ZNF322: variants seen among roughly 807,000 people sequenced by gnomAD.
The protein encoded by ZNF322 is HLA complex group 12.
Under a neutral mutation model 18.3 loss-of-function variants are expected in ZNF322, and 1 was observed. The ratio of observed to expected loss-of-function variants is 0.05; its 90% confidence interval spans 0.02 to 0.26. The LOEUF is 0.26. Among genes scored for constraint, ZNF322 ranks in the 10% least tolerant of loss-of-function variants. The pLI is 1.00. For synonymous variants in ZNF322, 17 were observed against 130.7 expected, an observed-to-expected ratio of 0.13 and a Z score of 5.93; for missense variants, 36 against 403.6, an observed-to-expected ratio of 0.09 and a Z score of 7.80.
intron 3 of ZNF322, among the ~76,000 whole-genome samples, chr6:26,642,494 C>A (rs1385268724): frequency 6.6e-6 from 1 of 152,170 alleles, no homozygotes; most frequent in Non-Finnish European, 1.5e-5. Flanking sequence ...AGGGGTAGGC[C>A]CCCTTCAGAA....
intron 2 of ZNF322, among the ~76,000 whole-genome samples, chr6:26,656,865 T>G (rs1200990833): frequency 2.0e-5 from 3 of 151,936 alleles, no homozygotes; most frequent in South Asian, 4.1e-4. Flanking sequence ...AAAAAAAAAC[T>G]GAATAAATAA....
At chr6:26,643,320 C>T (rs1765497481) in intron 3 of ZNF322, among the ~76,000 whole-genome samples, 1 of 152,178 alleles carries the variant, frequency 6.6e-6, no homozygotes, top group Non-Finnish European at 1.5e-5. Flanking sequence ...GTCTTCATGC[C>T]CCAGCATTCA....
intron 2 of ZNF322, among the ~76,000 whole-genome samples, chr6:26,649,987 G>A (rs1046642034): frequency 2.6e-5 from 4 of 151,630 alleles, no homozygotes; most frequent in East Asian, 1.9e-4. Flanking sequence ...ACAGGCGTGC[G>A]CCACTGTGCC....
At chr6:26,651,787 T>G (rs149756999) in intron 2 of ZNF322, among the ~76,000 whole-genome samples, 468 of 152,258 alleles carry the variant, frequency 3.1e-3, no homozygotes, top group African/African-American at 0.011. Flanking sequence ...ACTATAAAAC[T>G]TCTAGAGGAT....
chr6:26,650,155 GA>G (rs1453611108), intron 2 of ZNF322, among the ~76,000 whole-genome samples: 3 of 152,008 alleles, frequency 2.0e-5, no homozygotes, highest in Non-Finnish European at 4.4e-5. Context: ...ACATCTGATA[GA>G]AAAATAAGCA....
intron 1 of ZNF322, among the ~76,000 whole-genome samples, 180 bp downstream of exon 1, chr6:26,659,261 A>C (rs1336662432): frequency 6.6e-6 from 1 of 152,226 alleles, no homozygotes; most frequent in Non-Finnish European, 1.5e-5. Context: ...GAACTACCGT[A>C]CTAAGGTTCT....
At chr6:26,639,779 A>G (rs1281281967) in intron 3 of ZNF322, among the ~76,000 whole-genome samples, 2 of 152,292 alleles carry the variant, frequency 1.3e-5, no homozygotes, top group South Asian at 2.1e-4. Flanking sequence ...GTATAACCTG[A>G]TAATTTTGCT....
chr6:26,652,970 A>T (rs1554149347), intron 2 of ZNF322, among the ~76,000 whole-genome samples: 7 of 152,164 alleles, frequency 4.6e-5, no homozygotes. Context: ...TCTCTAAAAA[A>T]TAAAGTCTAT....
intron 3 of ZNF322, among the ~76,000 whole-genome samples, chr6:26,639,833 A>C (rs1389853753): frequency 2.0e-5 from 3 of 152,124 alleles, no homozygotes; most frequent in Admixed American, 2.0e-4. Flanking sequence ...CAAAACAACA[A>C]CACATACACA....
intron 2 of ZNF322, among the ~76,000 whole-genome samples, chr6:26,645,440 G>A (rs192356126): frequency 2.0e-4 from 31 of 151,774 alleles, no homozygotes; most frequent in Admixed American, 1.2e-3. Flanking sequence ...CCCACTCTAA[G>A]TACAAAAAAC....
At position 26,634,535 on chromosome 6, in the gene ZNF322, G is replaced by A. The variant is rs1284593126; in HGVS notation, c.*2810C>T. 3.7e-5 allele frequency: 5 copies of A among 135,290 alleles called. No individual in the cohort carries two copies. The highest frequency in any genetic ancestry group is 7.8e-5 in the Non-Finnish European group (5 of 63,824). 8.4% of individuals were successfully genotyped at this position (135,290 alleles called of 1,614,324 possible). A position where few individuals can be genotyped will look rare whatever the true frequency, so the allele number is the denominator to read the frequency against. The stretch of plus-strand genomic sequence containing the variant: ...ACTTACCTGAGGTAGATTTAGGTTG[G>A]CACTGCTTCAAGGGAACCTCCGTCC... On this transcript the variant is annotated 3_prime_UTR_variant, in exon 4 of 4. Coordinates refer to ENST00000415922, the MANE Select transcript of ZNF322 (RefSeq NM_024639.5).
chr6:26,651,854 A>T (rs1284677962), intron 2 of ZNF322, among the ~76,000 whole-genome samples: 1 of 152,142 alleles, frequency 6.6e-6, no homozygotes, highest in Non-Finnish European at 1.5e-5. Flanking sequence ...TATTTTTGGG[A>T]TGGGTCTCGC....
intron 1 of ZNF322, among the ~76,000 whole-genome samples, chr6:26,659,065 C>T (rs1765833876): frequency 2.0e-5 from 3 of 152,094 alleles, no homozygotes; most frequent in African/African-American, 7.2e-5. Flanking sequence ...ATTCCATTTT[C>T]CAAAAAGAAA....
chr6:26,637,303 CATAA>C lies in ZNF322; in HGVS notation c.*38_*41del. 1.4e-6 allele frequency: 2 copies of C among 1,455,174 alleles called. No individual in the cohort carries two copies. Among genetic ancestry groups the C allele is most frequent in the Non-Finnish European group, 1.9e-6 (2 of 1,051,350 alleles). The allele number at this position is 1,455,174 out of a possible 1,614,324, so 90.1% of individuals were successfully genotyped here. A position where few individuals can be genotyped will look rare whatever the true frequency, so the allele number is the denominator to read the frequency against. On this transcript the variant is annotated 3_prime_UTR_variant, in exon 4 of 4. Transcript: ENST00000415922. The stretch of plus-strand genomic sequence containing the variant: ...CCTCATCTTAATGAGTTCTCTGATA[CATAA>C]ATAATTTTTAATATTGGTATTACAG...
At chr6:26,639,095 A>T (rs1247278563) in intron 3 of ZNF322, among the ~76,000 whole-genome samples, 1 of 152,198 alleles carries the variant, frequency 6.6e-6, no homozygotes. Flanking sequence ...TTCTGCAGAA[A>T]GCTTGGAAGA....
At chr6:26,647,719 A>G (rs1561924048) in intron 2 of ZNF322, among the ~76,000 whole-genome samples, 1 of 152,168 alleles carries the variant, frequency 6.6e-6, no homozygotes, top group Non-Finnish European at 1.5e-5. Flanking sequence ...AAATAATTCT[A>G]TAAATCTACA....
chr6:26,644,069 C>A (rs1554148527), intron 2 of ZNF322, among the ~76,000 whole-genome samples: 1 of 152,150 alleles, frequency 6.6e-6, no homozygotes, highest in East Asian at 1.9e-4. Context: ...TGTCCTGATC[C>A]AAAGTGTAAT....
intron 3 of ZNF322, among the ~76,000 whole-genome samples, chr6:26,640,667 C>T (rs6936561): frequency 0.19 from 28,252 of 152,036 alleles, 2,685 homozygotes; most frequent in African/African-American, 0.21. Flanking sequence ...CCCTAAAAGA[C>T]AGGGATTTTT....
chr6:26,645,895 G>A (rs1306056803), intron 2 of ZNF322, among the ~76,000 whole-genome samples: 1 of 151,912 alleles, frequency 6.6e-6, no homozygotes, highest in Non-Finnish European at 1.5e-5. Flanking sequence ...GCCGGGTGTG[G>A]TGGCACATCC....
Sources: gnomAD v4.1 joint callset for allele counts (sites outside exome capture counted in the v4.1 genomes callset) on GRCh38, gnomAD v4.1.1 for gene constraint, MANE v1.5 for transcripts, NCBI Gene and HGNC (gene_info 2026-07-23, HGNC 2026-07-21) for gene names.